Variants in SETD3 observed in about 807,000 individuals in gnomAD.
SETD3 encodes SET domain containing 3, actin N3(tau)-histidine methyltransferase, also known as actin-histidine N-methyltransferase.
In SETD3, 19 loss-of-function variants were observed where a neutral mutation model predicts 63.0. The observed-to-expected ratio is 0.30, with a 90% CI of 0.21 to 0.44. SETD3 has a LOEUF of 0.44. SETD3 is among the 20% of genes least tolerant of loss of function. SETD3 has a pLI of 1.00. For synonymous variants in SETD3, 286 were observed against 264.1 expected, an observed-to-expected ratio of 1.08 and a Z score of -0.80; for missense variants, 587 against 728.5, an observed-to-expected ratio of 0.81 and a Z score of 2.24.
chr14:99,405,792 C>T (rs2139621076), intron 9 of SETD3, among the ~76,000 whole-genome samples: 1 of 152,346 alleles, frequency 6.6e-6, no homozygotes. Flanking sequence ...TCTTCTGGAA[C>T]TGTAAAGCAG....
At chr14:99,431,205 C>A (rs1893157927) in intron 6 of SETD3, among the ~76,000 whole-genome samples, 1 of 152,186 alleles carries the variant, frequency 6.6e-6, no homozygotes, top group Admixed American at 6.5e-5. Context: ...CCAAGTGGGT[C>A]CCTTACATTT....
intron 8 of SETD3, chr14:99,411,680 G>A (rs1441398666): frequency 6.6e-6 from 1 of 152,034 alleles, no homozygotes; most frequent in African/African-American, 2.4e-5. Flanking sequence ...GCTATTTGAA[G>A]ATTTCTTAAA....
chr14:99,406,890 C>T (rs1300055651), intron 8 of SETD3, among the ~76,000 whole-genome samples: 1 of 152,190 alleles, frequency 6.6e-6, no homozygotes, highest in African/African-American at 2.4e-5. Context: ...TCTGGGCCTC[C>T]CTGGTGGCAG....
chr14:99,447,936 C>T (rs1422958043), intron 6 of SETD3, among the ~76,000 whole-genome samples: 1 of 152,216 alleles, frequency 6.6e-6, no homozygotes, highest in Non-Finnish European at 1.5e-5. Context: ...GACAGGCCCG[C>T]AGTCCTCAGT....
Position 99,443,051 on chromosome 14 carries a change from G to A in SETD3, c.675+15228C>T, listed in dbSNP as rs897599076. ...AGCCTCATTTTCTTATCTTCTGATA[G>A]GGAGAGTTACATACCTGTATTACAA... On this transcript the variant is annotated intron_variant, in intron 6 of 12. Coordinates refer to ENST00000331768, the MANE Select transcript of SETD3 (RefSeq NM_032233.3). Among the ~76,000 whole-genome samples the A allele has an allele frequency of 2.6e-5, 4 of 152,128 alleles. No homozygotes were observed. In the South Asian group the frequency reaches 6.2e-4, roughly 24 times the overall value.
chr14:99,478,861 T>C (rs1896108837), intron 1 of SETD3: 1 of 152,220 alleles, frequency 6.6e-6, no homozygotes, highest in Non-Finnish European at 1.5e-5. Flanking sequence ...GGTTAAGCTT[T>C]AAATAGGAAA....
At chr14:99,482,685 ATTTTG>A (rs1302036651), upstream of SETD3, among the ~76,000 whole-genome samples, 1 of 152,190 alleles carries the variant, frequency 6.6e-6, no homozygotes, top group Admixed American at 6.5e-5. Context: ...AATTTGTTCC[ATTTTG>A]AAAATGTAGT....
chr14:99,418,104 T>A (rs1892377571), intron 6 of SETD3, among the ~76,000 whole-genome samples: 1 of 152,232 alleles, frequency 6.6e-6, no homozygotes, highest in Non-Finnish European at 1.5e-5. Flanking sequence ...CTCTTCTAAA[T>A]ACTGTATGTT....
chr14:99,471,311 T>A (rs1895691698), intron 1 of SETD3, among the ~76,000 whole-genome samples: 1 of 152,236 alleles, frequency 6.6e-6, no homozygotes, highest in African/African-American at 2.4e-5. Context: ...GATTAAACAG[T>A]AGTCAAAATG....
Position 99,463,527 on chromosome 14 carries a change from T to C in SETD3, c.155A>G (p.Gln52Arg), listed in dbSNP as rs759400509. 1.2e-6 allele frequency: 2 copies of C among 1,614,124 alleles called. No individual in the cohort carries two copies. The highest frequency in any genetic ancestry group is 1.7e-5 in the Admixed American group (1 of 60,028). Residue 52 changes from glutamine to arginine, a missense_variant, in exon 3 of 13, where the codon CAG becomes CGG. By Grantham distance (43) the Gln-to-Arg change is conservative. Transcript: ENST00000331768. ...GPGKEWEEYV[Q>R]IRTLVEKIRK... The stretch of plus-strand genomic sequence containing the variant: ...TATTTTCTCAACCAGAGTCCGGATC[T>C]GCACATACTCTTCCCACTCTTTTCC...
intron 6 of SETD3, among the ~76,000 whole-genome samples, chr14:99,427,718 T>G (rs1566700571): frequency 1.3e-5 from 2 of 152,096 alleles, no homozygotes; most frequent in African/African-American, 2.4e-5. Flanking sequence ...CAAGGCATTG[T>G]GGGGGGACAA....
At chr14:99,415,471 A>G (rs1482475737) in intron 6 of SETD3, among the ~76,000 whole-genome samples, 1 of 152,222 alleles carries the variant, frequency 6.6e-6, no homozygotes, top group Non-Finnish European at 1.5e-5. Context: ...CTACACAACT[A>G]TCCAAACATG....
At chr14:99,442,052 C>A (rs1595212753) in intron 6 of SETD3, among the ~76,000 whole-genome samples, 1 of 152,162 alleles carries the variant, frequency 6.6e-6, no homozygotes, top group South Asian at 2.1e-4. Flanking sequence ...TGCGCAGACG[C>A]CCACGGCATG....
intron 6 of SETD3, among the ~76,000 whole-genome samples, chr14:99,447,851 C>G (rs1894224290): frequency 6.6e-6 from 1 of 152,196 alleles, no homozygotes; most frequent in East Asian, 1.9e-4. Flanking sequence ...TCAATCCCAA[C>G]ACAGAGTAAA....
chr14:99,420,947 C>CGGGG (rs559807226), intron 6 of SETD3, among the ~76,000 whole-genome samples: 3 of 7,384 alleles, frequency 4.1e-4, no homozygotes, highest in Non-Finnish European at 1.0e-3. Context: ...CAGGCGAGGG[C>CGGGG]GGGGGGGGGG....
intron 10 of SETD3, 94 bp from the exon 11 acceptor site, chr14:99,404,404 C>T: frequency 1.8e-6 from 2 of 1,103,876 alleles, no homozygotes; most frequent in East Asian, 2.4e-5. Flanking sequence ...GTGTGGTTGT[C>T]CTCAAGGAGA....
chr14:99,403,126 C>T (rs969384404), intron 11 of SETD3, among the ~76,000 whole-genome samples: 2 of 152,156 alleles, frequency 1.3e-5, no homozygotes, highest in African/African-American at 4.8e-5. Context: ...TTGGGTTCTG[C>T]GGTTGGTGTG....
intron 6 of SETD3, among the ~76,000 whole-genome samples, chr14:99,448,320 T>C (rs1283372895): frequency 6.6e-6 from 1 of 152,098 alleles, no homozygotes; most frequent in African/African-American, 2.4e-5. Flanking sequence ...ACAGTGGCAG[T>C]GGCAGTGGCA....
At chr14:99,452,024 G>A (rs1894490555) in intron 6 of SETD3, among the ~76,000 whole-genome samples, 1 of 152,196 alleles carries the variant, frequency 6.6e-6, no homozygotes, top group Admixed American at 6.5e-5. Context: ...AAAACTGGAA[G>A]GACTCCTCAA....
Sources: gnomAD v4.1 joint callset for allele counts (sites outside exome capture counted in the v4.1 genomes callset) on GRCh38, gnomAD v4.1.1 for gene constraint, MANE v1.5 for transcripts, NCBI Gene and HGNC (gene_info 2026-07-23, HGNC 2026-07-21) for gene names.